BAHD1: variants seen among roughly 807,000 people sequenced by gnomAD.
BAHD1 encodes bromo adjacent homology domain containing 1, also known as bromo adjacent homology domain-containing 1 protein.
A neutral mutation model predicts 63.1 loss-of-function variants in BAHD1; 20 were observed. That is an observed-to-expected ratio of 0.32 (90% CI 0.22 to 0.46). The LOEUF (loss-of-function observed/expected upper bound fraction) is 0.46, where lower values mean the gene tolerates loss of function less well. BAHD1 is among the 20% of genes least tolerant of loss of function. The pLI is 1.00. For synonymous variants in BAHD1, 408 were observed against 426.8 expected (o/e 0.96, Z 0.54); for missense variants, 939 against 1,071.8 (o/e 0.88, Z 1.73).
upstream of BAHD1, among the ~76,000 whole-genome samples, chr15:40,438,978 G>A (rs1893331863): frequency 6.6e-6 from 1 of 152,228 alleles, no homozygotes; most frequent in Admixed American, 6.5e-5. Context: ...ACGAGTGGGG[G>A]CCACCGTGGG....
chr15:40,444,544 G>A (rs549325030), intron 1 of BAHD1, among the ~76,000 whole-genome samples: 2 of 152,208 alleles, frequency 1.3e-5, no homozygotes, highest in South Asian at 2.1e-4. Context: ...TTCTCAAACC[G>A]GGTGCAAATG....
At chr15:40,452,940 C>T (rs543149659) in intron 1 of BAHD1, among the ~76,000 whole-genome samples, 4 of 152,178 alleles carry the variant, frequency 2.6e-5, no homozygotes, top group Admixed American at 6.5e-5. Flanking sequence ...TTGGGGTGGG[C>T]ACTTAGGTGT....
At chr15:40,463,359 CA>C (rs1184669582) in intron 3 of BAHD1, among the ~76,000 whole-genome samples, 1 of 152,138 alleles carries the variant, frequency 6.6e-6, no homozygotes, top group African/African-American at 2.4e-5. Flanking sequence ...TCTTAGATGC[CA>C]GAACTGAGCT....
At chr15:40,453,772 A>C (rs2141501111) in intron 1 of BAHD1, 1 of 152,308 alleles carries the variant, frequency 6.6e-6, no homozygotes, top group South Asian at 2.1e-4. Context: ...CAACATAGTG[A>C]GGCCCTCTAC....
At chr15:40,463,700 G>A (rs1894117955) in intron 3 of BAHD1, among the ~76,000 whole-genome samples, 161 bp from the exon 4 acceptor site, 1 of 152,102 alleles carries the variant, frequency 6.6e-6, no homozygotes, top group South Asian at 2.1e-4. Flanking sequence ...CCAACCATGA[G>A]AATTCCCCAG....
At position 40,460,161 on chromosome 15, in the gene BAHD1, G is replaced by A. The variant is rs150540743; in HGVS notation, c.1432+265G>A. Among the ~76,000 whole-genome samples, 277 of 152,348 alleles carry A rather than the reference G, an allele frequency of 1.8e-3. 1 individual carries two copies. The highest frequency in any genetic ancestry group is 6.3e-3 in the African/African-American group (264 of 41,582). Reference sequence around the variant, plus strand: ...GGCCTGGCAGTTAGGTAGCATTGCAGTGGTACAGGCCACAGGAAGGCCTCT... The same window carrying A: ...GGCCTGGCAGTTAGGTAGCATTGCAATGGTACAGGCCACAGGAAGGCCTCT... On this transcript the variant is annotated intron_variant, in intron 2 of 6. Coordinates refer to ENST00000416165, the MANE Select transcript of BAHD1 (RefSeq NM_014952.5).
At chr15:40,443,074 A>T (rs1467011964) in intron 1 of BAHD1, among the ~76,000 whole-genome samples, 1 of 152,262 alleles carries the variant, frequency 6.6e-6, no homozygotes, top group Non-Finnish European at 1.5e-5. Context: ...AGTTGGGATC[A>T]TAAGGACAGG....
chr15:40,458,632 A>C lies in BAHD1; in HGVS notation c.168A>C (p.Pro56=), dbSNP rs1363523963. ...TCACAGGGCGCCGCAAGAATTACCC[A>C]CTTCGTAAGCGCCCATTGGTTCCTG... The part of the protein sequence containing the change: ...GHLTGRRKNY[P]LRKRPLVPEK... Residue 56 remains proline (P), a synonymous_variant, in exon 2 of 7, where the codon CCA becomes CCC. Coordinates refer to ENST00000416165, the MANE Select transcript of BAHD1 (RefSeq NM_014952.5). This position sits in a 1 kb window ranked among gnomAD's most constrained non-coding sequence, Gnocchi z 4.7. The C allele has an allele frequency of 2.5e-6, 4 of 1,613,746 alleles. No homozygotes were observed. The highest frequency in any genetic ancestry group is 1.3e-5 in the African/African-American group (1 of 75,006).
upstream of BAHD1, among the ~76,000 whole-genome samples, chr15:40,437,914 T>G (rs1231397198): frequency 6.6e-6 from 1 of 152,172 alleles, no homozygotes; most frequent in Non-Finnish European, 1.5e-5. Context: ...TCTCTGGCCC[T>G]GGATGTTTTA....
intron 1 of BAHD1, among the ~76,000 whole-genome samples, chr15:40,447,140 AT>A (rs1893561630): frequency 6.6e-6 from 1 of 152,236 alleles, no homozygotes; most frequent in Non-Finnish European, 1.5e-5. Context: ...CCTAACAAGT[AT>A]GCCAGAAGGA....
At chr15:40,445,342 GT>G (rs1308008687) in intron 1 of BAHD1, among the ~76,000 whole-genome samples, 1 of 150,572 alleles carries the variant, frequency 6.6e-6, no homozygotes, top group African/African-American at 2.4e-5. Context: ...CAGAAAGGAA[GT>G]TTTAGTAAAC....
chr15:40,441,420 A>G (rs1219457069), intron 1 of BAHD1, among the ~76,000 whole-genome samples, 152 bp downstream of exon 1: 2 of 149,810 alleles, frequency 1.3e-5, no homozygotes, highest in African/African-American at 4.9e-5. Flanking sequence ...CAGCCCGGGA[A>G]GGGACGGACG....
chr15:40,455,753 G>C (rs1893831508), intron 1 of BAHD1, among the ~76,000 whole-genome samples: 1 of 152,190 alleles, frequency 6.6e-6, no homozygotes, highest in Admixed American at 6.5e-5. Context: ...TGGTAACTTG[G>C]GGCCTGTTGA....
chr15:40,444,725 T>C (rs1267475376), intron 1 of BAHD1, among the ~76,000 whole-genome samples: 1 of 152,114 alleles, frequency 6.6e-6, no homozygotes, highest in Non-Finnish European at 1.5e-5. Context: ...CAATCCCTGC[T>C]CTCTCAGGCT....
At chr15:40,442,347 G>A (rs564459402) in intron 1 of BAHD1, among the ~76,000 whole-genome samples, 9 of 151,954 alleles carry the variant, frequency 5.9e-5, no homozygotes, top group Non-Finnish European at 1.3e-4. Flanking sequence ...CTGGCTTGCC[G>A]CTCTAGCCGC....
At position 40,459,024 on chromosome 15, in the gene BAHD1, C is replaced by T; in HGVS notation, c.560C>T (p.Pro187Leu). 2 of 1,596,550 alleles carry T rather than the reference C, an allele frequency of 1.3e-6. No homozygotes were observed. The highest frequency in any genetic ancestry group is 1.7e-6 in the Non-Finnish European group (2 of 1,169,988). Residue 187 changes from proline (P) to leucine (L), a missense_variant, in exon 2 of 7, where the codon CCA becomes CTA. By Grantham distance (98) the Pro-to-Leu change is moderately conservative. Transcript: ENST00000416165. The stretch of plus-strand genomic sequence containing the variant: ...GGAAGTCGGGACCTGTCTCCAGAGC[C>T]AGCACCCGATGAAGGTCCCCGCCGA... ...GGGSRDLSPEPAPDEGPRRDG... is the reference protein window; with the variant it reads ...GGGSRDLSPELAPDEGPRRDG...
At chr15:40,448,018 C>T (rs1034752942) in intron 1 of BAHD1, among the ~76,000 whole-genome samples, 2 of 151,988 alleles carry the variant, frequency 1.3e-5, no homozygotes, top group East Asian at 1.9e-4. Flanking sequence ...GGGAGGCAGG[C>T]GGATCACGAG....
At chr15:40,465,211 T>C in intron 5 of BAHD1, 124 bp from the exon 6 acceptor site, 3 of 797,588 alleles carry the variant, frequency 3.8e-6, no homozygotes, top group Non-Finnish European at 6.2e-6. Context: ...AGGCTGAATT[T>C]CCAGGGAAGC....
intron 1 of BAHD1, among the ~76,000 whole-genome samples, chr15:40,445,971 G>A (rs1893529874): frequency 1.3e-5 from 2 of 152,200 alleles, no homozygotes; most frequent in South Asian, 4.1e-4. Context: ...ACCCTGAAGT[G>A]ACAGAAAATA....
Sources: allele counts gnomAD v4.1 joint callset (sites outside exome capture counted in the v4.1 genomes callset), GRCh38; gene constraint gnomAD v4.1.1; non-coding constraint Gnocchi (gnomAD v3.1); transcripts MANE v1.5; gene names NCBI Gene and HGNC (gene_info 2026-07-23, HGNC 2026-07-21).